Variants in MRGPRE observed in about 807,000 individuals in gnomAD.
MRGPRE encodes MAS related GPR family member E.
For synonymous variants in MRGPRE, 229 were observed against 206.7 expected (o/e 1.11, Z -0.92); for missense variants, 466 against 433.4 (o/e 1.08, Z -0.67).
Position 3,229,635 on chromosome 11 carries a change from T to G in MRGPRE, c.-61-775A>C, listed in dbSNP as rs1590772476. On this transcript the variant is annotated intron_variant, in intron 1 of 1. Transcript: ENST00000389832. The surrounding 1 kb of genome is among the most constrained non-coding windows in gnomAD (Gnocchi z 4.4). ...AAGCAGCCCTCAACTCTTTGAGGCC[T>G]TTCCTTGACATCCATGAGGGGTTGT... Among the ~76,000 whole-genome samples, 1 of 152,224 alleles carries G rather than the reference T, an allele frequency of 6.6e-6. No individual in the cohort carries two copies. The highest frequency in any genetic ancestry group is 1.5e-5 in the Non-Finnish European group (1 of 68,040).
chr11:3,229,371 G>A lies in MRGPRE; in HGVS notation c.-61-511C>T, dbSNP rs568149956. 2.7e-4 allele frequency among the ~76,000 whole-genome samples: 41 copies of A among 152,156 alleles called. No homozygotes were observed. Among genetic ancestry groups the A allele is most frequent in the Non-Finnish European group, 2.8e-4 (19 of 68,014 alleles). ...CTCCCGAAGAGCTGGGATTACAGGC[G>A]TGCATCACCATGCCCAGCTAATTTA... On this transcript the variant is annotated intron_variant, in intron 1 of 1. Transcript: ENST00000389832. This position sits in a 1 kb window ranked among gnomAD's most constrained non-coding sequence, Gnocchi z 4.4.
At position 3,225,188 on chromosome 11, in the gene MRGPRE, G is replaced by T. The variant is rs552852632; in HGVS notation, c.*2673C>A. Among the ~76,000 whole-genome samples, 4 of 152,222 alleles carry T rather than the reference G, an allele frequency of 2.6e-5. No individual in the cohort carries two copies. The highest frequency in any genetic ancestry group is 5.9e-5 in the Non-Finnish European group (4 of 68,040). On this transcript the variant is annotated 3_prime_UTR_variant, in exon 2 of 2. Coordinates refer to ENST00000389832, the MANE Select transcript of MRGPRE (RefSeq NM_001039165.4). ...TGGGGAGGGGATAGGGAAGCTGGCC[G>T]CAGGCCTGTCTCCGCTCCTGTCCTC...
Position 3,227,657 on chromosome 11 carries a change from G to A in MRGPRE, c.*204C>T. 1 of 463,560 alleles carries A rather than the reference G, an allele frequency of 2.2e-6. No individual in the cohort carries two copies. The highest frequency in any genetic ancestry group is 3.7e-6 in the Non-Finnish European group (1 of 267,306). The allele number at this position is 463,560 out of a possible 1,614,324, so 28.7% of individuals were successfully genotyped here. A position where few individuals can be genotyped will look rare whatever the true frequency, so the allele number is the denominator to read the frequency against. On this transcript the variant is annotated 3_prime_UTR_variant, in exon 2 of 2. Transcript: ENST00000389832. ...CCAGAGACCCGGCCCGCCTGCCTGGGCATGTAGAGACCTTGCCTTTCCAGC... is the reference window on the plus strand; with the variant it reads ...CCAGAGACCCGGCCCGCCTGCCTGGACATGTAGAGACCTTGCCTTTCCAGC...
rs1847751556 is a variant in MRGPRE, at chr11:3,225,703, C to T, written c.*2158G>A. ...GGCCAAGGGGATACCCCACCAGCAT[C>T]CTGGGCCATCAGGCCATATACCTGC... On this transcript the variant is annotated 3_prime_UTR_variant, in exon 2 of 2. Coordinates refer to ENST00000389832, the MANE Select transcript of MRGPRE (RefSeq NM_001039165.4). 6.6e-6 allele frequency among the ~76,000 whole-genome samples: 1 copy of T among 152,232 alleles called. No individual in the cohort carries two copies. The highest frequency in any genetic ancestry group is 1.5e-5 in the Non-Finnish European group (1 of 68,032).
rs60799467 is a variant in MRGPRE at position 3,229,212 on chromosome 11, CTTTTTTTTTTTTTTT to C, written c.-61-367_-61-353del. Among the ~76,000 whole-genome samples the C allele has an allele frequency of 6.3e-5, 8 of 126,694 alleles. No homozygotes were observed. Among genetic ancestry groups the C allele is most frequent in the South Asian group, 2.5e-4 (1 of 3,968 alleles). 83.1% of individuals were successfully genotyped at this position (126,694 alleles called of 152,430 possible). A position where few individuals can be genotyped will look rare whatever the true frequency, so the allele number is the denominator to read the frequency against. ...GTGGTGCCTTGATCCTCAGAATGGG[CTTTTTTTTTTTTTTT>C]TTTTTTTTTTTTTTGGAGATGGAGT... is the stretch of plus-strand genomic sequence containing the variant. On this transcript the variant is annotated intron_variant, in intron 1 of 1. Coordinates refer to ENST00000389832, the MANE Select transcript of MRGPRE (RefSeq NM_001039165.4). This position sits in a 1 kb window ranked among gnomAD's most constrained non-coding sequence, Gnocchi z 4.4.
Position 3,229,858 on chromosome 11 carries a change from AG to A in MRGPRE, c.-61-999del, listed in dbSNP as rs1163551973. Among the ~76,000 whole-genome samples, 3 of 152,156 alleles carry A rather than the reference AG, an allele frequency of 2.0e-5. No individual in the cohort carries two copies. The highest frequency in any genetic ancestry group is 6.5e-5 in the Admixed American group (1 of 15,284). On this transcript the variant is annotated intron_variant, in intron 1 of 1. Transcript: ENST00000389832. This position sits in a 1 kb window ranked among gnomAD's most constrained non-coding sequence, Gnocchi z 4.4. ...CCCGCCCTTTCCCCATGGGGAGAAGAGGGAGCTGTCTGATGATGGGGCTGGG... is the reference window on the plus strand; with the variant it reads ...CCCGCCCTTTCCCCATGGGGAGAAGAGGAGCTGTCTGATGATGGGGCTGGG...
rs539820934 is a variant in MRGPRE at position 3,230,118 on chromosome 11, G to C, written c.-61-1258C>G. 1.3e-5 allele frequency among the ~76,000 whole-genome samples: 2 copies of C among 152,214 alleles called. No individual in the cohort carries two copies. The highest frequency in any genetic ancestry group is 3.9e-4 in the East Asian group (2 of 5,170). On this transcript the variant is annotated intron_variant, in intron 1 of 1. Transcript: ENST00000389832. The surrounding 1 kb of genome is among the most constrained non-coding windows in gnomAD (Gnocchi z 5.5). ...GCCGGAGACATGCCTGCAGATACCCGGCCCCATGCTGCCCCTGTGGTTACC... is the reference window on the plus strand; with the variant it reads ...GCCGGAGACATGCCTGCAGATACCCCGCCCCATGCTGCCCCTGTGGTTACC...
chr11:3,228,513 T>A lies in MRGPRE; in HGVS notation c.287A>T (p.Gln96Leu), dbSNP rs201409610. 5.1e-5 allele frequency: 82 copies of A among 1,613,694 alleles called. No individual in the cohort carries two copies. Among genetic ancestry groups the A allele is most frequent in the Admixed American group, 8.3e-5 (5 of 60,010 alleles). The change falls in exon 2 of 2, where the codon CAG (glutamine) becomes CTG (leucine). Residue 96 changes from glutamine to leucine, a missense_variant. Physicochemically the swap from Gln to Leu is moderately radical, Grantham distance 113. Transcript: ENST00000389832. Reference protein sequence around the residue: ...QGRLDFPGFVQTSLATLRFFC... With the variant: ...QGRLDFPGFVLTSLATLRFFC... The stretch of plus-strand genomic sequence containing the variant: ...GAAGCGCAGCGTTGCCAGGCTGGTC[T>A]GCACGAAGCCCGGGAAGTCCAGCCG...
rs1354751274 is a variant in MRGPRE at position 3,229,137 on chromosome 11, C to A, written c.-61-277G>T. On this transcript the variant is annotated intron_variant, in intron 1 of 1. Coordinates refer to ENST00000389832, the MANE Select transcript of MRGPRE (RefSeq NM_001039165.4). This position sits in a 1 kb window ranked among gnomAD's most constrained non-coding sequence, Gnocchi z 4.4. The stretch of plus-strand genomic sequence containing the variant: ...CCTGTAGGCCAGGTGGGGGCAGGGA[C>A]CAGGAGATGTGGGGAGAGGGTCTGA... Among the ~76,000 whole-genome samples the A allele has an allele frequency of 6.6e-6, 1 of 151,274 alleles. No homozygotes were observed. Among genetic ancestry groups the A allele is most frequent in the East Asian group, 1.9e-4 (1 of 5,136 alleles).
In MRGPRE at chr11:3,231,586, C is replaced by T. The variant is rs549916578; in HGVS notation, c.-62+555G>A. Among the ~76,000 whole-genome samples the T allele has an allele frequency of 1.5e-4, 17 of 112,040 alleles. 1 individual carries two copies. The East Asian group carries it at 2.8e-3, about 18-fold the overall frequency. The allele number at this position is 112,040 out of a possible 152,430, so 73.5% of individuals were successfully genotyped here. ...AAGGAGGGGAGGAGGCGGGGGAGGA[C>T]GATGGAAGAGAACAGGAGGGAGGAG... is the stretch of plus-strand genomic sequence containing the variant. On this transcript the variant is annotated intron_variant, in intron 1 of 1. Coordinates refer to ENST00000389832, the MANE Select transcript of MRGPRE (RefSeq NM_001039165.4). This position sits in a 1 kb window ranked among gnomAD's most constrained non-coding sequence, Gnocchi z 4.7.
rs866402794 is a variant in MRGPRE at position 3,227,869 on chromosome 11, C to T, written c.931G>A (p.Ala311Thr). The change falls in exon 2 of 2, where the codon GCA becomes ACA. Residue 311 changes from alanine to threonine, a missense_variant. Coordinates refer to ENST00000389832, the MANE Select transcript of MRGPRE (RefSeq NM_001039165.4). ...GTCGGGGGCCCCAGGGCTCAGGCTG[C>T]TATGTCCACCAGGCCCCGGCGGGAG... ...ETSRRGLVDI[A>T]A 1.4e-6 allele frequency: 2 copies of T among 1,449,102 alleles called. No individual in the cohort carries two copies. The highest frequency in any genetic ancestry group is 2.5e-5 in the East Asian group (1 of 40,246). 89.8% of individuals were successfully genotyped at this position (1,449,102 alleles called of 1,614,324 possible). A position where few individuals can be genotyped will look rare whatever the true frequency, so the allele number is the denominator to read the frequency against.
Position 3,230,303 on chromosome 11 carries a change from C to T in MRGPRE, c.-61-1443G>A, listed in dbSNP as rs766485664. 6.7e-6 allele frequency among the ~76,000 whole-genome samples: 1 copy of T among 150,228 alleles called. No homozygotes were observed. The highest frequency in any genetic ancestry group is 1.5e-5 in the Non-Finnish European group (1 of 67,556). The stretch of plus-strand genomic sequence containing the variant: ...TGGTGGTGGCTGGTCCTCCTGTGTC[C>T]TGGGAGGGCTGGGGTTTGGGGTGAG... On this transcript the variant is annotated intron_variant, in intron 1 of 1. Coordinates refer to ENST00000389832, the MANE Select transcript of MRGPRE (RefSeq NM_001039165.4). The surrounding 1 kb of genome is among the most constrained non-coding windows in gnomAD (Gnocchi z 5.5).
chr11:3,228,509 G>T lies in MRGPRE; in HGVS notation c.291C>A (p.Thr97=). 1 of 1,613,812 alleles carries T rather than the reference G, an allele frequency of 6.2e-7. No homozygotes were observed. The highest frequency in any genetic ancestry group is 8.5e-7 in the Non-Finnish European group (1 of 1,180,006). Residue 97 remains threonine (T), a synonymous_variant, in exon 2 of 2, where the codon ACC becomes ACA. Transcript: ENST00000389832. ...AGAAGAAGCGCAGCGTTGCCAGGCT[G>T]GTCTGCACGAAGCCCGGGAAGTCCA... ...GRLDFPGFVQ[T]SLATLRFFCY...
rs985711011 is a variant in MRGPRE, at chr11:3,231,343, A to G, written c.-62+798T>C. Among the ~76,000 whole-genome samples the G allele has an allele frequency of 6.6e-6, 1 of 151,778 alleles. No homozygotes were observed. Among genetic ancestry groups the G allele is most frequent in the African/African-American group, 2.4e-5 (1 of 41,286 alleles). ...GAAACAGGGAGGAGAACAGGGGGAC[A>G]AGGGGTTAGAGCCACGGAGCTCAGC... On this transcript the variant is annotated intron_variant, in intron 1 of 1. Coordinates refer to ENST00000389832, the MANE Select transcript of MRGPRE (RefSeq NM_001039165.4). The surrounding 1 kb of genome is among the most constrained non-coding windows in gnomAD (Gnocchi z 4.7).
Position 3,231,696 on chromosome 11 carries a change from G to A in MRGPRE, c.-62+445C>T, listed in dbSNP as rs1294878350. ...GGAGGCACAGCATTCCCCATCCCTGGGTGGTCCAGGAGTGGCTCTGTGTCC... is the reference window on the plus strand; with the variant it reads ...GGAGGCACAGCATTCCCCATCCCTGAGTGGTCCAGGAGTGGCTCTGTGTCC... On this transcript the variant is annotated intron_variant, in intron 1 of 1. Coordinates refer to ENST00000389832, the MANE Select transcript of MRGPRE (RefSeq NM_001039165.4). The surrounding 1 kb of genome is among the most constrained non-coding windows in gnomAD (Gnocchi z 4.7). Among the ~76,000 whole-genome samples, 8 of 152,090 alleles carry A rather than the reference G, an allele frequency of 5.3e-5. No individual in the cohort carries two copies. The East Asian group carries it at 1.6e-3, about 30-fold the overall frequency.
In MRGPRE at chr11:3,225,253, G is replaced by A. The variant is rs1847746682; in HGVS notation, c.*2608C>T. Among the ~76,000 whole-genome samples the A allele has an allele frequency of 6.6e-6, 1 of 152,256 alleles. No individual in the cohort carries two copies. Among genetic ancestry groups the A allele is most frequent in the African/African-American group, 2.4e-5 (1 of 41,474 alleles). On this transcript the variant is annotated 3_prime_UTR_variant, in exon 2 of 2. Coordinates refer to ENST00000389832, the MANE Select transcript of MRGPRE (RefSeq NM_001039165.4). Reference sequence around the variant, plus strand: ...CACCCACAGCCTCCCTGGGCCCTGAGGACGGAGCGGGTTACACAGGCTCCC... The same window carrying A: ...CACCCACAGCCTCCCTGGGCCCTGAAGACGGAGCGGGTTACACAGGCTCCC...
At position 3,227,907 on chromosome 11, in the gene MRGPRE, G is replaced by A. The variant is rs1264922749; in HGVS notation, c.893C>T (p.Ala298Val). 2 of 1,480,108 alleles carry A rather than the reference G, an allele frequency of 1.4e-6. No individual in the cohort carries two copies. Among genetic ancestry groups the A allele is most frequent in the Non-Finnish European group, 9.0e-7 (1 of 1,112,110 alleles). The allele number at this position is 1,480,108 out of a possible 1,614,324, so 91.7% of individuals were successfully genotyped here. Residue 298 changes from alanine to valine, a missense_variant, in exon 2 of 2, where the codon GCC (alanine) becomes GTC (valine). Coordinates refer to ENST00000389832, the MANE Select transcript of MRGPRE (RefSeq NM_001039165.4). ...GCCCCGGCGGGAGGTCTCCCTGACG[G>A]CCCCCAGCTCAGCCTCGTCTCCCAG... ...RALGDEAELG[A>V]VRETSRRGLV... is the part of the protein sequence containing the mutation.
In MRGPRE at chr11:3,229,861, G is replaced by C. The variant is rs1460388110; in HGVS notation, c.-61-1001C>G. ...GCCCTTTCCCCATGGGGAGAAGAGGGAGCTGTCTGATGATGGGGCTGGGAG... is the reference window on the plus strand; with the variant it reads ...GCCCTTTCCCCATGGGGAGAAGAGGCAGCTGTCTGATGATGGGGCTGGGAG... On this transcript the variant is annotated intron_variant, in intron 1 of 1. Transcript: ENST00000389832. The surrounding 1 kb of genome is among the most constrained non-coding windows in gnomAD (Gnocchi z 4.4). 1.3e-5 allele frequency among the ~76,000 whole-genome samples: 2 copies of C among 152,208 alleles called. No individual in the cohort carries two copies. The highest frequency in any genetic ancestry group is 2.4e-5 in the African/African-American group (1 of 41,446).
At position 3,228,163 on chromosome 11, in the gene MRGPRE, G is replaced by C. The variant is rs766954894; in HGVS notation, c.637C>G (p.Arg213Gly). The change falls in exon 2 of 2, where the codon CGG becomes GGG. Residue 213 changes from arginine (R) to glycine (G), a missense_variant. Coordinates refer to ENST00000389832, the MANE Select transcript of MRGPRE (RefSeq NM_001039165.4). ...AGGAGGATGAGCCCAGGGAAGCCCCGGGGTGGGGGCCGCTGGGGGCCTCGC... is the reference window on the plus strand; with the variant it reads ...AGGAGGATGAGCCCAGGGAAGCCCCCGGGTGGGGGCCGCTGGGGGCCTCGC... ...VERGPQRPPP[R>G]GFPGLILLTV... The C allele has an allele frequency of 1.3e-6, 2 of 1,572,424 alleles. No homozygotes were observed. The highest frequency in any genetic ancestry group is 1.7e-6 in the Non-Finnish European group (2 of 1,159,338).
Sources: allele counts gnomAD v4.1 joint callset (sites outside exome capture counted in the v4.1 genomes callset), GRCh38; gene constraint gnomAD v4.1.1; non-coding constraint Gnocchi (gnomAD v3.1); transcripts MANE v1.5; gene names NCBI Gene and HGNC (gene_info 2026-07-23, HGNC 2026-07-21).